The following PRKG1 variants were observed in gnomAD, a reference collection of about 807,000 sequenced individuals.
PRKG1 encodes cGMP-dependent protein kinase 1.
A neutral mutation model predicts 88.1 loss-of-function variants in PRKG1; 35 were observed. That is an observed-to-expected ratio of 0.40 (90% CI 0.30 to 0.53). The LOEUF (loss-of-function observed/expected upper bound fraction) is 0.53, where lower values mean the gene tolerates loss of function less well. PRKG1 is among the 20% of genes least tolerant of loss of function. PRKG1 has a pLI of 0.59. For synonymous variants in PRKG1, 303 were observed against 292.5 expected (o/e 1.04, Z -0.37); for missense variants, 540 against 839.8 (o/e 0.64, Z 4.41).
intron 3 of PRKG1, among the ~76,000 whole-genome samples, chr10:51,710,891 G>A (rs980105588): frequency 6.6e-6 from 1 of 152,016 alleles, no homozygotes; most frequent in East Asian, 1.9e-4. Context: ...AGAGATGGGG[G>A]TCTCCCTATG....
chr10:51,857,185 A>C (rs1840705296), intron 4 of PRKG1, among the ~76,000 whole-genome samples: 1 of 152,104 alleles, frequency 6.6e-6, no homozygotes, highest in South Asian at 2.1e-4. Context: ...TTCTTTACAG[A>C]TTTCTCTTTC....
chr10:51,016,673 C>CTTTT lies in PRKG1; in HGVS notation c.266+25045_266+25048dup, dbSNP rs71029341. Among the ~76,000 whole-genome samples the CTTTT allele has an allele frequency of 3.5e-3, 122 of 35,196 alleles. 26 individuals carry two copies. The highest frequency in any genetic ancestry group is 0.048 in the Middle Eastern group (2 of 42). 23.1% of individuals were successfully genotyped at this position (35,196 alleles called of 152,430 possible). ...AGTGAAGAAGGTATTATTATCCTTTCTTTTTTTTTTTTTTTTTTTGGAATC... is the reference window on the plus strand; with the variant it reads ...AGTGAAGAAGGTATTATTATCCTTTCTTTTTTTTTTTTTTTTTTTTTTTGGAATC... On this transcript the variant is annotated intron_variant, in intron 1 of 17. Coordinates refer to the PRKG1 transcript ENST00000401604.
At chr10:51,231,526 C>A (rs1039030003) in intron 2 of PRKG1, among the ~76,000 whole-genome samples, 4 of 152,098 alleles carry the variant, frequency 2.6e-5, no homozygotes, top group African/African-American at 9.7e-5. Flanking sequence ...CTGCTTGAAT[C>A]TGGGATTCTT....
intron 2 of PRKG1, among the ~76,000 whole-genome samples, chr10:51,357,531 G>A (rs1842392576): frequency 6.6e-6 from 1 of 151,868 alleles, no homozygotes; most frequent in Admixed American, 6.6e-5. Context: ...ATTCAGTTAA[G>A]GCAACTCTTA....
At chr10:51,964,857 T>C (rs1843530215) in intron 5 of PRKG1, among the ~76,000 whole-genome samples, 1 of 152,200 alleles carries the variant, frequency 6.6e-6, no homozygotes, top group South Asian at 2.1e-4. Flanking sequence ...AACCTGAGTG[T>C]CCTACAATGG....
At chr10:52,197,111 G>T (rs1235131547) in intron 9 of PRKG1, among the ~76,000 whole-genome samples, 1 of 151,556 alleles carries the variant, frequency 6.6e-6, no homozygotes, top group African/African-American at 2.4e-5. Context: ...ATACAGATAA[G>T]TTTTTTTTTC....
At chr10:51,585,170 G>A (rs1396491398) in intron 3 of PRKG1, among the ~76,000 whole-genome samples, 1 of 152,064 alleles carries the variant, frequency 6.6e-6, no homozygotes. Flanking sequence ...AAATTTAAGA[G>A]TGAATCTTCT....
At chr10:51,393,019 A>G (rs1187443669) in intron 2 of PRKG1, among the ~76,000 whole-genome samples, 12 of 150,518 alleles carry the variant, frequency 8.0e-5, no homozygotes, top group African/African-American at 3.0e-4. Context: ...CTCACTTCCC[A>G]GACGGGGTGG....
At chr10:51,397,039 C>T (rs553883756) in intron 2 of PRKG1, among the ~76,000 whole-genome samples, 2 of 151,880 alleles carry the variant, frequency 1.3e-5, no homozygotes, top group African/African-American at 2.4e-5. Context: ...GCTTATTTTA[C>T]GAAAGCAGGC....
chr10:51,349,472 G>A (rs111532073), intron 2 of PRKG1, among the ~76,000 whole-genome samples: 21 of 79,788 alleles, frequency 2.6e-4, no homozygotes, highest in Admixed American at 6.9e-4. Flanking sequence ...GTGTGTGTGT[G>A]TGTGTGTGTG....
intron 14 of PRKG1, among the ~76,000 whole-genome samples, chr10:52,287,724 A>C (rs983057382): frequency 6.6e-6 from 1 of 151,486 alleles, no homozygotes; most frequent in Non-Finnish European, 1.5e-5. Context: ...AAAAAAAATC[A>C]ACAGATCTGG....
intron 3 of PRKG1, among the ~76,000 whole-genome samples, chr10:51,549,127 T>TTTTTTTTTTTTTTTTTTC (rs1842518396): frequency 8.6e-6 from 1 of 115,740 alleles, no homozygotes; most frequent in Admixed American, 8.7e-5. Context: ...TTTCTTTTTT[T>TTTTTTTTTTTTTTTTTTC]TTTTTTTTTT....
At chr10:51,782,771 A>G (rs1338455875) in intron 3 of PRKG1, among the ~76,000 whole-genome samples, 1 of 152,098 alleles carries the variant, frequency 6.6e-6, no homozygotes, top group Non-Finnish European at 1.5e-5. Context: ...GCTGCCATCC[A>G]TGTAAGACGG....
At chr10:51,411,892 C>T (rs1838098568) in intron 2 of PRKG1, among the ~76,000 whole-genome samples, 1 of 152,046 alleles carries the variant, frequency 6.6e-6, no homozygotes, top group African/African-American at 2.4e-5. Flanking sequence ...CTGGAAAACA[C>T]ATTGCTTTGG....
intron 7 of PRKG1, among the ~76,000 whole-genome samples, chr10:52,111,078 A>G (rs1439651084): frequency 6.6e-6 from 1 of 152,212 alleles, no homozygotes; most frequent in Non-Finnish European, 1.5e-5. Context: ...ACCGATAGGT[A>G]AATCTAGGCA....
intron 2 of PRKG1, among the ~76,000 whole-genome samples, chr10:51,210,515 A>G (rs930629166): frequency 2.0e-5 from 3 of 152,348 alleles, no homozygotes; most frequent in Non-Finnish European, 4.4e-5. Context: ...CAAAAAATCA[A>G]TGAATCCAGG....
rs1176100247 is a variant in PRKG1 at position 51,789,571 on chromosome 10, T to A, written c.593-15014T>A. Among the ~76,000 whole-genome samples the A allele has an allele frequency of 2.6e-5, 4 of 152,124 alleles. No homozygotes were observed. In the East Asian group the frequency reaches 7.7e-4, roughly 29 times the overall value. On this transcript the variant is annotated intron_variant, in intron 3 of 17. Transcript: ENST00000373980. ...TTTCTGGGTTTTGACATCAATTGAA[T>A]TATATGAGGCCTGTTTATGATGGAA...
At chr10:51,661,556 A>C (rs1020977442) in intron 3 of PRKG1, among the ~76,000 whole-genome samples, 1 of 152,118 alleles carries the variant, frequency 6.6e-6, no homozygotes, top group African/African-American at 2.4e-5. Context: ...TTAGAATGGC[A>C]ATCATTAAAA....
chr10:51,110,610 G>C (rs1844959599), intron 1 of PRKG1, among the ~76,000 whole-genome samples: 1 of 152,106 alleles, frequency 6.6e-6, no homozygotes, highest in Non-Finnish European at 1.5e-5. Context: ...TATCTTGACT[G>C]TGGTGATGTT....
Sources: gnomAD v4.1 joint callset for allele counts (sites outside exome capture counted in the v4.1 genomes callset) on GRCh38, gnomAD v4.1.1 for gene constraint, MANE v1.5 for transcripts, NCBI Gene and HGNC (gene_info 2026-07-23, HGNC 2026-07-21) for gene names.